The following SGK3 variants were observed in gnomAD, a reference collection of about 807,000 sequenced individuals.
SGK3 encodes the protein serine/threonine-protein kinase Sgk3.
Under a neutral mutation model 68.5 loss-of-function variants are expected in SGK3, and 47 were observed. The observed-to-expected ratio is 0.69, with a 90% CI of 0.54 to 0.87. The LOEUF (loss-of-function observed/expected upper bound fraction) is 0.87, where lower values mean the gene tolerates loss of function less well. Ranked by LOEUF, SGK3 falls within the 40% of genes least tolerant of loss-of-function variation. The probability of loss-of-function intolerance (pLI) is 0.00; values close to 1 mark genes in which losing one functional copy is unlikely to be tolerated. For missense variants in SGK3, 479 were observed against 575.5 expected, an observed-to-expected ratio of 0.83 and a Z score of 1.72; for synonymous variants, 181 against 189.1, an observed-to-expected ratio of 0.96 and a Z score of 0.35.
intron 1 of SGK3, among the ~76,000 whole-genome samples, chr8:66,723,910 G>A (rs1041812123): frequency 6.6e-6 from 1 of 152,098 alleles, no homozygotes. Flanking sequence ...TTAATTTTTT[G>A]TGTATCTGTA....
intron 1 of SGK3, among the ~76,000 whole-genome samples, chr8:66,771,307 T>G (rs1344700388): frequency 1.3e-5 from 2 of 152,228 alleles, no homozygotes; most frequent in Admixed American, 1.3e-4. Context: ...GACTAGTGAT[T>G]TATAGATTGT....
At position 66,861,505 on chromosome 8, in the gene SGK3, A is replaced by G. The variant is rs1008510679; in HGVS notation, c.*1924A>G. On this transcript the variant is annotated 3_prime_UTR_variant, in exon 17 of 17. Transcript: ENST00000521198. ...ACTTTAAAAAATAAAAAATAAGCTT[A>G]CCTTGGATTCTTGGCTTAGAGTAGA... is the stretch of plus-strand genomic sequence containing the variant. 6.6e-6 allele frequency: 1 copy of G among 152,264 alleles called. No individual in the cohort carries two copies. The highest frequency in any genetic ancestry group is 3.4e-3 in the Middle Eastern group (1 of 294). The allele number at this position is 152,264 out of a possible 1,614,324, so 9.4% of individuals were successfully genotyped here.
chr8:66,822,145 T>C (rs1808861542), intron 5 of SGK3, among the ~76,000 whole-genome samples: 1 of 152,092 alleles, frequency 6.6e-6, no homozygotes, highest in Non-Finnish European at 1.5e-5. Flanking sequence ...GGTTTTCTTT[T>C]CCATGAACTG....
intron 1 of SGK3, among the ~76,000 whole-genome samples, chr8:66,738,377 A>G (rs550987692): frequency 1.4e-4 from 21 of 152,268 alleles, no homozygotes; most frequent in African/African-American, 4.3e-4. Flanking sequence ...AGTGCTCTAA[A>G]GTGCAGATGT....
chr8:66,762,385 C>T (rs1373381825), intron 1 of SGK3, among the ~76,000 whole-genome samples: 1 of 152,094 alleles, frequency 6.6e-6, no homozygotes, highest in African/African-American at 2.4e-5. Context: ...GGTGTGGTGG[C>T]ATGTGCCTTT....
Position 66,793,800 on chromosome 8 carries a change from G to T in SGK3, c.64G>T (p.Asp22Tyr). The part of the protein sequence containing the change: ...SCPSVSIPSS[D>Y]EHREKKKRFT... ...CCCAAGTGTAAGCATTCCCAGCTCC[G>T]ATGAACACAGAGAGAAAAAGAAGAG... Residue 22 changes from aspartate to tyrosine, a missense_variant, in exon 2 of 17, where the codon GAT (aspartate) becomes TAT (tyrosine). By Grantham distance (160) the Asp-to-Tyr change is radical (BLOSUM62 -3). This residue lies in a region of SGK3 where 298 missense variants were observed against 329.4 expected (regional missense o/e 0.90). Transcript: ENST00000521198. 2 of 1,613,206 alleles carry T rather than the reference G, an allele frequency of 1.2e-6. No individual in the cohort carries two copies. Among genetic ancestry groups the T allele is most frequent in the Non-Finnish European group, 1.7e-6 (2 of 1,179,472 alleles).
At chr8:66,847,452 G>A (rs950374660) in intron 15 of SGK3, 104 bp downstream of exon 15, 4 of 1,475,838 alleles carry the variant, frequency 2.7e-6, no homozygotes, top group Non-Finnish European at 3.6e-6. Context: ...ACAATATGCG[G>A]AGAATAGCAA....
chr8:66,760,279 T>C (rs1563613518), intron 1 of SGK3, among the ~76,000 whole-genome samples: 5 of 151,982 alleles, frequency 3.3e-5, no homozygotes, highest in Admixed American at 6.6e-5. Context: ...AACAAATACA[T>C]TGAGTTGTTT....
chr8:66,842,656 A>G (rs1251626903), intron 13 of SGK3, among the ~76,000 whole-genome samples: 2 of 152,250 alleles, frequency 1.3e-5, no homozygotes, highest in Non-Finnish European at 2.9e-5. Flanking sequence ...GTAAATAGAC[A>G]TCTACAACTT....
intron 4 of SGK3, among the ~76,000 whole-genome samples, chr8:66,812,258 A>G (rs1808407996): frequency 6.6e-6 from 1 of 152,096 alleles, no homozygotes; most frequent in South Asian, 2.1e-4. Context: ...AAGTTTTTAG[A>G]GTATATTTCT....
intron 1 of SGK3, among the ~76,000 whole-genome samples, chr8:66,751,987 A>G (rs964580963): frequency 6.6e-5 from 10 of 151,834 alleles, no homozygotes; most frequent in African/African-American, 2.2e-4. Context: ...CTGGTCTCGA[A>G]CTCTCGATCT....
intron 1 of SGK3, among the ~76,000 whole-genome samples, chr8:66,777,515 A>C (rs1205959735): frequency 6.6e-6 from 1 of 152,204 alleles, no homozygotes; most frequent in African/African-American, 2.4e-5. Flanking sequence ...CCAGGAATAA[A>C]ATCTTGAGGC....
chr8:66,729,330 C>T (rs1805073304), intron 1 of SGK3, among the ~76,000 whole-genome samples: 3 of 151,992 alleles, frequency 2.0e-5, no homozygotes, highest in South Asian at 4.2e-4. Flanking sequence ...GTGGCGGGCG[C>T]CTGTAGTCCC....
At chr8:66,846,591 G>A (rs1368270282) in intron 14 of SGK3, among the ~76,000 whole-genome samples, 2 of 152,138 alleles carry the variant, frequency 1.3e-5, no homozygotes, top group South Asian at 4.1e-4. Flanking sequence ...TGGGATTACA[G>A]GCGTGAGCCA....
At position 66,836,158 on chromosome 8, in the gene SGK3, A is replaced by G. The variant is rs188721435; in HGVS notation, c.741+84A>G. Reference sequence around the variant, plus strand: ...AGTTTTTCTTGTAAGTTTTAGAAGGACAGTATAAAATCAGTAGCTTTTTAT... The same window carrying G: ...AGTTTTTCTTGTAAGTTTTAGAAGGGCAGTATAAAATCAGTAGCTTTTTAT... On this transcript the variant is annotated intron_variant, in intron 10 of 16. Coordinates refer to ENST00000521198, the MANE Select transcript of SGK3 (RefSeq NM_001033578.3). The G allele has an allele frequency of 6.6e-6, 10 of 1,511,534 alleles. No homozygotes were observed. In the South Asian group the frequency reaches 9.1e-5, roughly 14 times the overall value. The allele number at this position is 1,511,534 out of a possible 1,614,324, so 93.6% of individuals were successfully genotyped here.
At chr8:66,779,682 CATAT>C (rs59617969) in intron 1 of SGK3, among the ~76,000 whole-genome samples, 1 of 140,322 alleles carries the variant, frequency 7.1e-6, no homozygotes, top group Non-Finnish European at 1.5e-5. Context: ...AAAATTAGGG[CATAT>C]ATATATATAC....
intron 1 of SGK3, among the ~76,000 whole-genome samples, chr8:66,779,810 A>T (rs1806902412): frequency 6.6e-6 from 1 of 151,312 alleles, no homozygotes; most frequent in Non-Finnish European, 1.5e-5. Context: ...TTAAATAAGT[A>T]TTATAATTTA....
chr8:66,857,590 T>G (rs537070482), intron 16 of SGK3, among the ~76,000 whole-genome samples: 1 of 152,148 alleles, frequency 6.6e-6, no homozygotes, highest in Non-Finnish European at 1.5e-5. Context: ...AAGACCAGCC[T>G]GGACAACATG....
intron 15 of SGK3, among the ~76,000 whole-genome samples, chr8:66,849,863 G>A (rs1810195191): frequency 6.6e-6 from 1 of 152,126 alleles, no homozygotes; most frequent in South Asian, 2.1e-4. Context: ...ATAGGTGTAA[G>A]CCACTGCGCC....
Sources: allele counts gnomAD v4.1 joint callset (sites outside exome capture counted in the v4.1 genomes callset), GRCh38; gene constraint gnomAD v4.1.1; regional missense constraint gnomAD v4.1.1; transcripts MANE v1.5; gene names NCBI Gene and HGNC (gene_info 2026-07-23, HGNC 2026-07-21).